RAP1GAP: variants seen among roughly 807,000 people sequenced by gnomAD.
RAP1GAP encodes the protein rap1 GTPase-activating protein 1.
Under a neutral mutation model 87.2 loss-of-function variants are expected in RAP1GAP, and 35 were observed. The ratio of observed to expected loss-of-function variants is 0.40; its 90% CI spans 0.31 to 0.53. The LOEUF is 0.53. Ranked by LOEUF, RAP1GAP falls within the 20% of genes least tolerant of loss-of-function variation. RAP1GAP has a pLI of 0.48. For missense variants in RAP1GAP, 734 were observed against 898.9 expected (o/e 0.82, Z 2.35); for synonymous variants, 375 against 363.9 (o/e 1.03, Z -0.35).
In RAP1GAP at chr1:21,663,789, G is replaced by C. The variant is rs1483458398; in HGVS notation, c.-149+5465C>G. Among the ~76,000 whole-genome samples the C allele has an allele frequency of 2.0e-5, 3 of 152,322 alleles. No homozygotes were observed. The East Asian group carries it at 5.8e-4, about 29-fold the overall frequency. Reference sequence around the variant, plus strand: ...GCAGACACATGGCTCCCGTGGCCTTGAGAAGGTCACAGCCTCTGAGGTGGC... The same window carrying C: ...GCAGACACATGGCTCCCGTGGCCTTCAGAAGGTCACAGCCTCTGAGGTGGC... On this transcript the variant is annotated intron_variant, in intron 1 of 24. Transcript: ENST00000374765.
chr1:21,601,455 G>T (rs978915821), intron 20 of RAP1GAP, among the ~76,000 whole-genome samples: 1 of 152,250 alleles, frequency 6.6e-6, no homozygotes, highest in East Asian at 1.9e-4. Flanking sequence ...GTGAGGCGGG[G>T]ACCTATGCGC....
At chr1:21,597,752 G>C (rs1228291006) in intron 23 of RAP1GAP, 24 bp from the exon 24 acceptor site, 15 of 1,613,252 alleles carry the variant, frequency 9.3e-6, no homozygotes, top group Non-Finnish European at 1.3e-5. Context: ...GTGGTGGTGA[G>C]GCAGGTGGCA....
At chr1:21,617,625 G>T in intron 6 of RAP1GAP, 134 bp from the exon 7 acceptor site, 1 of 1,097,568 alleles carries the variant, frequency 9.1e-7, no homozygotes, top group Non-Finnish European at 1.3e-6. Flanking sequence ...AGCCTGTGTG[G>T]GCCCCAGGGT....
rs901070162 is a variant in RAP1GAP, at chr1:21,669,177, C to T, written c.-149+77G>A. 10 of 1,213,644 alleles carry T rather than the reference C, an allele frequency of 8.2e-6. No homozygotes were observed. The highest frequency in any genetic ancestry group is 1.0e-5 in the Non-Finnish European group (10 of 958,214). The allele number at this position is 1,213,644 out of a possible 1,614,324, so 75.2% of individuals were successfully genotyped here. On this transcript the variant is annotated intron_variant, in intron 1 of 24. Coordinates refer to ENST00000374765, the MANE Select transcript of RAP1GAP (RefSeq NM_002885.4). This position sits in a 1 kb window ranked among gnomAD's most constrained non-coding sequence, Gnocchi z 5.6. ...CCCGCCCGCCCGCGCGGGGTCTTCGCTGCGAGCCGACGGGAGTCTGGACAC... is the reference window on the plus strand; with the variant it reads ...CCCGCCCGCCCGCGCGGGGTCTTCGTTGCGAGCCGACGGGAGTCTGGACAC...
At chr1:21,616,136 AAC>A (rs58644324) in intron 7 of RAP1GAP, among the ~76,000 whole-genome samples, 2,391 of 126,706 alleles carry the variant, frequency 0.019, 26 homozygotes, top group African/African-American at 0.023. Context: ...CCCTCTTCCC[AAC>A]ACACACACAC....
chr1:21,645,576 G>T (rs537546532), intron 2 of RAP1GAP, among the ~76,000 whole-genome samples: 2 of 152,354 alleles, frequency 1.3e-5, no homozygotes, highest in African/African-American at 4.8e-5. Context: ...CCATGCCCCT[G>T]TCCCCAGTAG....
chr1:21,651,424 G>A, intron 1 of RAP1GAP: 1 of 565,134 alleles, frequency 1.8e-6, no homozygotes. Flanking sequence ...ACACACGCAT[G>A]CACACACACG....
intron 6 of RAP1GAP, 50 bp from the exon 7 acceptor site, chr1:21,617,541 G>A (rs769270344): frequency 3.9e-5 from 60 of 1,539,454 alleles, no homozygotes; most frequent in Non-Finnish European, 5.2e-5. Context: ...CCCACTGGGC[G>A]CCCCAGGACA....
chr1:21,640,670 C>T (rs2095433853), intron 2 of RAP1GAP, among the ~76,000 whole-genome samples: 1 of 152,122 alleles, frequency 6.6e-6, no homozygotes, highest in African/African-American at 2.4e-5. Context: ...CAGCAGTTCC[C>T]TTACCCCCGA....
chr1:21,649,771 G>A lies in RAP1GAP; in HGVS notation c.-123C>T, dbSNP rs372126308. The A allele has an allele frequency of 4.6e-4, 712 of 1,552,476 alleles. 10 individuals carry two copies. The South Asian group carries it at 7.8e-3, about 17-fold the overall frequency. ...GTCCCCAGTACTCACCACACACTCC[G>A]GCGAGAAGTGAAGGACTTGTCCACC... On this transcript the variant is annotated 5_prime_UTR_variant, in exon 2 of 25. Transcript: ENST00000374765.
intron 1 of RAP1GAP, among the ~76,000 whole-genome samples, chr1:21,656,417 T>TAA (rs71661339): frequency 1.0e-5 from 1 of 96,178 alleles, no homozygotes; most frequent in African/African-American, 4.3e-5. Context: ...AGACTCCATC[T>TAA]AAAAAAAAAA....
At chr1:21,631,070 CCT>C (rs2093628605) in intron 2 of RAP1GAP, among the ~76,000 whole-genome samples, 1 of 152,138 alleles carries the variant, frequency 6.6e-6, no homozygotes, top group Admixed American at 6.5e-5. Flanking sequence ...CGAACCCGAA[CCT>C]CTCTGTCCCT....
intron 1 of RAP1GAP, among the ~76,000 whole-genome samples, chr1:21,653,705 A>AGGTGGGAGGCGGTTGG (rs2096742483): frequency 6.6e-6 from 1 of 150,756 alleles, no homozygotes; most frequent in Non-Finnish European, 1.5e-5. Context: ...CCTCTCAGAG[A>AGGTGGGAGGCGGTTGG]GGTGGGAGGC....
intron 2 of RAP1GAP, among the ~76,000 whole-genome samples, chr1:21,638,142 T>G (rs1306846454): frequency 8.4e-6 from 1 of 119,564 alleles, no homozygotes; most frequent in African/African-American, 3.1e-5. Flanking sequence ...CAGAGCAAGA[T>G]CCTATTAAAA....
rs199999763 is a variant in RAP1GAP at position 21,610,114 on chromosome 1, G to A, written c.999+6C>T. 316 of 1,613,294 alleles carry A rather than the reference G, an allele frequency of 2.0e-4. 1 individual carries two copies. In the African/African-American group the frequency reaches 2.8e-3, roughly 14 times the overall value. ...GATGCCCCTGGGAGGCTCCAAGAGCGCCCACCTTGTAGAGGGGGCCATCAG... is the reference window on the plus strand; with the variant it reads ...GATGCCCCTGGGAGGCTCCAAGAGCACCCACCTTGTAGAGGGGGCCATCAG... On this transcript the variant is annotated splice_donor_region_variant and intron_variant, in intron 14 of 24. Coordinates refer to ENST00000374765, the MANE Select transcript of RAP1GAP (RefSeq NM_002885.4).
chr1:21,666,658 C>A (rs1355359291), intron 1 of RAP1GAP, among the ~76,000 whole-genome samples: 1 of 152,092 alleles, frequency 6.6e-6, no homozygotes, highest in Non-Finnish European at 1.5e-5. Context: ...CCACTCCCCT[C>A]CCCGGGTGAT....
chr1:21,617,273 C>G, intron 7 of RAP1GAP, 33 bp downstream of exon 7: 2 of 1,550,618 alleles, frequency 1.3e-6, no homozygotes, highest in Non-Finnish European at 1.7e-6. Context: ...TGACCCACCC[C>G]AGCCAGCCCC....
At chr1:21,617,854 G>C in intron 6 of RAP1GAP, 80 bp downstream of exon 6, 2 of 1,582,366 alleles carry the variant, frequency 1.3e-6, no homozygotes, top group Non-Finnish European at 1.7e-6. Context: ...CTCCTAAGGA[G>C]GAGGACCTGG....
chr1:21,635,053 T>TA (rs2094459891), intron 2 of RAP1GAP, among the ~76,000 whole-genome samples: 1 of 152,166 alleles, frequency 6.6e-6, no homozygotes, highest in Non-Finnish European at 1.5e-5. Flanking sequence ...TAATCTCCAT[T>TA]CTGCCTGGAA....
Sources: gnomAD v4.1 joint callset for allele counts (sites outside exome capture counted in the v4.1 genomes callset) on GRCh38, gnomAD v4.1.1 for gene constraint, Gnocchi (gnomAD v3.1) non-coding constraint, MANE v1.5 for transcripts, NCBI Gene and HGNC (gene_info 2026-07-23, HGNC 2026-07-21) for gene names.